Variants in NTM observed in about 807,000 individuals in gnomAD.
NTM encodes neurotrimin.
A neutral mutation model predicts 42.1 loss-of-function variants in NTM; 13 were observed. That is an observed-to-expected ratio of 0.31 (90% CI 0.20 to 0.49). The LOEUF is 0.49. NTM is among the 20% of genes least tolerant of loss of function. NTM has a pLI of 0.99. For missense variants in NTM, 373 were observed against 452.8 expected (o/e 0.82, Z 1.60); for synonymous variants, 187 against 179.2 (o/e 1.04, Z -0.35).
chr11:132,257,829 A>G (rs950622741), intron 4 of NTM, among the ~76,000 whole-genome samples: 1 of 152,156 alleles, frequency 6.6e-6, no homozygotes, highest in Admixed American at 6.5e-5. Flanking sequence ...TTATAAAAGA[A>G]TTTCTCCTCT....
chr11:132,272,979 A>G (rs1416643338), intron 4 of NTM, among the ~76,000 whole-genome samples: 1 of 152,128 alleles, frequency 6.6e-6, no homozygotes, highest in Non-Finnish European at 1.5e-5. Flanking sequence ...ACCACTAAGT[A>G]TAATGTTAGC....
In NTM at chr11:131,589,185, G is replaced by GTGTGTGTGTGTGTT. The variant is rs1264154081; in HGVS notation, c.82+218310_82+218311insTTGTGTGTGTGTGT. On this transcript the variant is annotated intron_variant, in intron 1 of 8. Transcript: ENST00000683400. ...TGGAAAAATGTGTGTGTGTGTGTGT[G>GTGTGTGTGTGTGTT]TGTGTGTGTGTGTGTGTAGGCTCTG... Among the ~76,000 whole-genome samples the GTGTGTGTGTGTGTT allele has an allele frequency of 9.9e-4, 150 of 152,074 alleles. 1 individual carries two copies. Among genetic ancestry groups the GTGTGTGTGTGTGTT allele is most frequent in the African/African-American group, 3.2e-3 (132 of 41,466 alleles).
intron 4 of NTM, among the ~76,000 whole-genome samples, chr11:132,266,003 T>G (rs2139610762): frequency 6.6e-6 from 1 of 152,100 alleles, no homozygotes; most frequent in African/African-American, 2.4e-5. Context: ...TAACACAGGG[T>G]GCTGTTCTAG....
chr11:131,447,970 G>T (rs1950190112), intron 1 of NTM, among the ~76,000 whole-genome samples: 1 of 152,212 alleles, frequency 6.6e-6, no homozygotes, highest in Non-Finnish European at 1.5e-5. Context: ...ATCCATTTCT[G>T]GTGAACGCTG....
intron 1 of NTM, among the ~76,000 whole-genome samples, chr11:131,525,255 G>C (rs1024038989): frequency 2.0e-5 from 3 of 152,200 alleles, no homozygotes; most frequent in African/African-American, 7.2e-5. Flanking sequence ...ATCTCTCTCT[G>C]AAGTGGGACG....
At chr11:132,011,319 C>A (rs1331414979) in intron 2 of NTM, among the ~76,000 whole-genome samples, 1 of 152,060 alleles carries the variant, frequency 6.6e-6, no homozygotes, top group African/African-American at 2.4e-5. Context: ...TGGATTTTAG[C>A]AAATCAACCT....
intron 1 of NTM, among the ~76,000 whole-genome samples, chr11:131,574,843 A>T (rs548221355): frequency 1.8e-4 from 28 of 151,392 alleles, no homozygotes; most frequent in Middle Eastern, 3.4e-3. Flanking sequence ...CTCCCTCCCC[A>T]CTCCCCACTG....
chr11:131,615,584 G>T (rs1271023208), intron 1 of NTM, among the ~76,000 whole-genome samples: 3 of 152,080 alleles, frequency 2.0e-5, no homozygotes, highest in Non-Finnish European at 4.4e-5. Flanking sequence ...TGGCCAGGCT[G>T]GTCTCAAACT....
chr11:131,949,432 T>C (rs2060733653), intron 2 of NTM, among the ~76,000 whole-genome samples: 1 of 152,248 alleles, frequency 6.6e-6, no homozygotes, highest in Non-Finnish European at 1.5e-5. Flanking sequence ...GTCTTCAGAA[T>C]CTAGAACAGC....
At chr11:132,132,356 C>A (rs981309185) in intron 2 of NTM, among the ~76,000 whole-genome samples, 3 of 152,228 alleles carry the variant, frequency 2.0e-5, no homozygotes, top group African/African-American at 7.2e-5. Flanking sequence ...ATTCAATTGC[C>A]TGTGCAGGTT....
At chr11:132,042,847 C>T (rs949189910) in intron 2 of NTM, among the ~76,000 whole-genome samples, 3 of 152,152 alleles carry the variant, frequency 2.0e-5, no homozygotes, top group African/African-American at 7.2e-5. Flanking sequence ...CTGCCATCCC[C>T]ATTACATCAA....
At chr11:131,742,048 AACAACAC>A (rs1455483871) in intron 1 of NTM, among the ~76,000 whole-genome samples, 2 of 152,142 alleles carry the variant, frequency 1.3e-5, no homozygotes, top group Non-Finnish European at 2.9e-5. Flanking sequence ...CACAGAAGAG[AACAACAC>A]ACACTGGGGC....
chr11:132,042,073 G>A (rs535539448), intron 2 of NTM, among the ~76,000 whole-genome samples: 69 of 152,280 alleles, frequency 4.5e-4, no homozygotes, highest in Non-Finnish European at 9.0e-4. Context: ...ATTTATGACT[G>A]TGTATTGTTT....
At chr11:132,172,326 C>G (rs561548269) in intron 3 of NTM, among the ~76,000 whole-genome samples, 2 of 152,166 alleles carry the variant, frequency 1.3e-5, no homozygotes, top group African/African-American at 2.4e-5. Flanking sequence ...CGATGGTCTG[C>G]TTGAACCTTC....
At chr11:131,844,794 A>G (rs1180022166) in intron 1 of NTM, among the ~76,000 whole-genome samples, 1 of 152,120 alleles carries the variant, frequency 6.6e-6, no homozygotes. Flanking sequence ...AATTTCATTG[A>G]TATTTCTATA....
chr11:132,282,289 A>T (rs1591719075), intron 4 of NTM, among the ~76,000 whole-genome samples: 1 of 152,228 alleles, frequency 6.6e-6, no homozygotes. Context: ...ATCTTCATGA[A>T]ATATTCCTCA....
intron 1 of NTM, among the ~76,000 whole-genome samples, chr11:131,860,098 T>C (rs2046476525): frequency 6.6e-6 from 1 of 152,164 alleles, no homozygotes; most frequent in East Asian, 1.9e-4. Context: ...AGCTCCTATC[T>C]ACAGCCTCCG....
chr11:131,792,497 T>C (rs1453917698), intron 1 of NTM, among the ~76,000 whole-genome samples: 1 of 152,180 alleles, frequency 6.6e-6, no homozygotes, highest in African/African-American at 2.4e-5. Context: ...ACTCTACACC[T>C]TGGGTGTTCG....
At chr11:131,915,836 G>C (rs1471055330) in intron 2 of NTM, among the ~76,000 whole-genome samples, 2 of 152,208 alleles carry the variant, frequency 1.3e-5, no homozygotes, top group African/African-American at 4.8e-5. Flanking sequence ...CACCAGAGCA[G>C]TATGGGGAAA....
Sources: gnomAD v4.1 joint callset for allele counts (sites outside exome capture counted in the v4.1 genomes callset) on GRCh38, gnomAD v4.1.1 for gene constraint, MANE v1.5 for transcripts, NCBI Gene and HGNC (gene_info 2026-07-23, HGNC 2026-07-21) for gene names.